THSD7A: variants seen among roughly 807,000 people sequenced by gnomAD.
THSD7A encodes thrombospondin type 1 domain containing 7A.
THSD7A carries 96 observed loss-of-function variants against 231.3 expected under a neutral mutation model. The ratio of observed to expected loss-of-function variants is 0.41; its 90% CI spans 0.35 to 0.49. The LOEUF (loss-of-function observed/expected upper bound fraction) is 0.49, where lower values mean the gene tolerates loss of function less well. Among genes scored for constraint, THSD7A ranks in the 20% least tolerant of loss-of-function variants. The pLI is 0.05. For missense variants in THSD7A, 2,290 were observed against 2,070.2 expected, an observed-to-expected ratio of 1.11 and a Z score of -2.06; for synonymous variants, 940 against 743.3, an observed-to-expected ratio of 1.26 and a Z score of -4.30.
chr7:11,707,944 C>G (rs1780825131), intron 1 of THSD7A, among the ~76,000 whole-genome samples: 1 of 150,650 alleles, frequency 6.6e-6, no homozygotes, highest in Non-Finnish European at 1.5e-5. Context: ...CTTTGCTGTC[C>G]ATTTCTTAAA....
chr7:11,526,510 AC>A (rs1788479540), intron 6 of THSD7A, among the ~76,000 whole-genome samples: 1 of 152,184 alleles, frequency 6.6e-6, no homozygotes, highest in Non-Finnish European at 1.5e-5. Flanking sequence ...AATAGTGCAT[AC>A]TTAATGGGCA....
intron 1 of THSD7A, among the ~76,000 whole-genome samples, chr7:11,699,287 T>G (rs190041602): frequency 2.2e-4 from 34 of 151,446 alleles, no homozygotes; most frequent in Non-Finnish European, 4.7e-4. Flanking sequence ...AAATGTATTT[T>G]AAAGTAAAAT....
At chr7:11,704,436 A>C (rs1181573973) in intron 1 of THSD7A, among the ~76,000 whole-genome samples, 1 of 150,948 alleles carries the variant, frequency 6.6e-6, no homozygotes, top group Non-Finnish European at 1.5e-5. Flanking sequence ...CCTATGGGGA[A>C]AAGGGATACA....
chr7:11,626,009 T>A (rs1781463675), intron 2 of THSD7A, among the ~76,000 whole-genome samples: 1 of 152,122 alleles, frequency 6.6e-6, no homozygotes, highest in Non-Finnish European at 1.5e-5. Flanking sequence ...GAGATATTAC[T>A]AAAACTCCCA....
intron 16 of THSD7A, among the ~76,000 whole-genome samples, chr7:11,419,203 C>A (rs1017570211): frequency 6.6e-6 from 1 of 152,090 alleles, no homozygotes; most frequent in African/African-American, 2.4e-5. Flanking sequence ...TCAAAGATTT[C>A]TCTTGATATG....
chr7:11,700,636 G>C (rs559775018), intron 1 of THSD7A, among the ~76,000 whole-genome samples: 122 of 151,236 alleles, frequency 8.1e-4, no homozygotes, highest in Admixed American at 7.0e-3. Context: ...CCTTCTGAAA[G>C]TAGATGAAGA....
At chr7:11,660,581 G>A (rs1782891192) in intron 1 of THSD7A, among the ~76,000 whole-genome samples, 1 of 151,362 alleles carries the variant, frequency 6.6e-6, no homozygotes, top group Admixed American at 6.6e-5. Context: ...TGATAAAAGT[G>A]ATACATTACA....
chr7:11,644,238 T>C (rs1373260447), intron 1 of THSD7A, among the ~76,000 whole-genome samples: 1 of 152,000 alleles, frequency 6.6e-6, no homozygotes, highest in Non-Finnish European at 1.5e-5. Flanking sequence ...GAAGCAAACA[T>C]GTGATCTTAA....
chr7:11,467,444 G>T (rs1208929542), intron 9 of THSD7A, among the ~76,000 whole-genome samples: 2 of 152,092 alleles, frequency 1.3e-5, no homozygotes, highest in Admixed American at 6.6e-5. Flanking sequence ...TTCTCTATAT[G>T]ACCATTAGTG....
At chr7:11,426,627 A>C in intron 15 of THSD7A, 39 bp downstream of exon 15, 1 of 1,527,830 alleles carries the variant, frequency 6.5e-7, no homozygotes, top group Non-Finnish European at 8.7e-7. Flanking sequence ...TAAGAAAAGA[A>C]GGATTCTATC....
At chr7:11,525,232 G>A (rs1255206482) in intron 6 of THSD7A, among the ~76,000 whole-genome samples, 1 of 151,798 alleles carries the variant, frequency 6.6e-6, no homozygotes, top group Non-Finnish European at 1.5e-5. Flanking sequence ...AATAGATCAT[G>A]CCTGAGTACA....
At chr7:11,758,004 T>G (rs576489043) in intron 1 of THSD7A, among the ~76,000 whole-genome samples, 1 of 82,780 alleles carries the variant, frequency 1.2e-5, no homozygotes. Flanking sequence ...TATATACATA[T>G]GCATTCATAT....
intron 1 of THSD7A, among the ~76,000 whole-genome samples, chr7:11,799,453 A>C (rs900363849): frequency 6.6e-6 from 1 of 152,234 alleles, no homozygotes; most frequent in Non-Finnish European, 1.5e-5. Context: ...CTTCAAAACC[A>C]CATTAGTAAA....
chr7:11,821,905 TAAC>T (rs1784886055), intron 1 of THSD7A, among the ~76,000 whole-genome samples: 1 of 152,164 alleles, frequency 6.6e-6, no homozygotes, highest in Non-Finnish European at 1.5e-5. Context: ...AACTGTAAAA[TAAC>T]AACTAGCTCA....
Position 11,375,819 on chromosome 7 carries a change from G to T in THSD7A, c.4949C>A (p.Ala1650Asp), listed in dbSNP as rs1312997642. The change falls in exon 28 of 28, where the codon GCC becomes GAC. Residue 1650 changes from alanine (A) to aspartate (D), a missense_variant. Coordinates refer to ENST00000423059, the MANE Select transcript of THSD7A (RefSeq NM_015204.3). ...TTACATGTCGGCATCTCCATCATAG[G>T]CTAAGGTTAAAGGTTTCAGTCGGTT... is the stretch of plus-strand genomic sequence containing the variant. ...QNNRLKPLTL[A>D]YDGDADM 1.2e-6 allele frequency: 2 copies of T among 1,612,670 alleles called. No individual in the cohort carries two copies. Among genetic ancestry groups the T allele is most frequent in the Admixed American group, 1.7e-5 (1 of 59,934 alleles).
intron 13 of THSD7A, among the ~76,000 whole-genome samples, chr7:11,435,210 A>G (rs541220228): frequency 5.6e-4 from 85 of 152,130 alleles, no homozygotes; most frequent in South Asian, 5.2e-3. Flanking sequence ...GTTCATTACC[A>G]AGGGCGTTTC....
Position 11,701,061 on chromosome 7 carries a change from T to C in THSD7A, c.191-64100A>G, listed in dbSNP as rs1341938211. ...AATTCCGACTACTTTTAAAAATAAGTTTTCATGATTTAAAATACTGAGATT... is the reference window on the plus strand; with the variant it reads ...AATTCCGACTACTTTTAAAAATAAGCTTTCATGATTTAAAATACTGAGATT... On this transcript the variant is annotated intron_variant, in intron 1 of 27. Coordinates refer to ENST00000423059, the MANE Select transcript of THSD7A (RefSeq NM_015204.3). Among the ~76,000 whole-genome samples, 5 of 151,392 alleles carry C rather than the reference T, an allele frequency of 3.3e-5. No homozygotes were observed. In the East Asian group the frequency reaches 9.8e-4, roughly 30 times the overall value.
Position 11,444,128 on chromosome 7 carries a change from A to G in THSD7A, c.3064+1933T>C, listed in dbSNP as rs548955002. 6.6e-6 allele frequency among the ~76,000 whole-genome samples: 1 copy of G among 152,260 alleles called. No homozygotes were observed. The highest frequency in any genetic ancestry group is 1.9e-4 in the East Asian group (1 of 5,162). On this transcript the variant is annotated intron_variant, in intron 13 of 27. Transcript: ENST00000423059. This position sits in a 1 kb window ranked among gnomAD's most constrained non-coding sequence, Gnocchi z 4.2. ...CCACCTCACACCAGTTAGAATGGTG[A>G]TCATTAAAAAGTCAGGAAACAACAG... is the stretch of plus-strand genomic sequence containing the variant.
chr7:11,499,035 G>T (rs754636638), intron 6 of THSD7A, among the ~76,000 whole-genome samples: 32 of 152,160 alleles, frequency 2.1e-4, no homozygotes, highest in Admixed American at 7.9e-4. Flanking sequence ...GCCTCCAGGG[G>T]CAAATGAAAG....
Sources: allele counts gnomAD v4.1 joint callset (sites outside exome capture counted in the v4.1 genomes callset), GRCh38; gene constraint gnomAD v4.1.1; non-coding constraint Gnocchi (gnomAD v3.1); transcripts MANE v1.5; gene names NCBI Gene and HGNC (gene_info 2026-07-23, HGNC 2026-07-21).